The following BPTF variants were observed in gnomAD, a reference collection of about 807,000 sequenced individuals.
BPTF encodes nucleosome-remodeling factor subunit BPTF.
A neutral mutation model predicts 292.5 loss-of-function variants in BPTF; 18 were observed. That is an observed-to-expected ratio of 0.06 (90% CI 0.04 to 0.09). The LOEUF is 0.09. Among genes scored for constraint, BPTF ranks in the 10% least tolerant of loss-of-function variants. The pLI, the probability that BPTF is intolerant of heterozygous loss-of-function variation, is 1.00. For synonymous variants in BPTF, 1,225 were observed against 1,251.9 expected (o/e 0.98, Z 0.45); for missense variants, 2,726 against 3,498.7 (o/e 0.78, Z 5.57).
chr17:67,898,412 C>G (rs768433496), intron 7 of BPTF, among the ~76,000 whole-genome samples: 1 of 152,180 alleles, frequency 6.6e-6, no homozygotes, highest in African/African-American at 2.4e-5. Flanking sequence ...CATTAGATGC[C>G]AAGAAGGTAT....
At chr17:67,842,107 A>C (rs1187369413) in intron 1 of BPTF, among the ~76,000 whole-genome samples, 1 of 152,048 alleles carries the variant, frequency 6.6e-6, no homozygotes, top group Non-Finnish European at 1.5e-5. Context: ...TTATGTTATA[A>C]TTGTACATAT....
In BPTF at chr17:67,946,025, A is replaced by G. The variant is rs1250799260; in HGVS notation, c.7317A>G (p.Gln2439=). The G allele has an allele frequency of 6.2e-7, 1 of 1,614,092 alleles. No individual in the cohort carries two copies. The highest frequency in any genetic ancestry group is 1.1e-5 in the South Asian group (1 of 91,082). ...AAGTCATTGCTGTGCCTCAGCTGCA[A>G]CAACAAGTCCAGGTTCTCTCTCAGA... ...QPQVIAVPQL[Q]QQVQVLSQIQ... Residue 2439 remains glutamine (Q), a synonymous_variant, in exon 21 of 28, where the codon CAA becomes CAG. Coordinates refer to ENST00000306378, the MANE Select transcript of BPTF (RefSeq NM_182641.4).
intron 13 of BPTF, 34 bp downstream of exon 13, chr17:67,920,177 C>T: frequency 6.3e-7 from 1 of 1,582,818 alleles, no homozygotes. Flanking sequence ...TCATGATTAA[C>T]CTGTTAACCA....
At chr17:67,916,655 A>G (rs544879165) in intron 11 of BPTF, among the ~76,000 whole-genome samples, 1 of 151,614 alleles carries the variant, frequency 6.6e-6, no homozygotes, top group Non-Finnish European at 1.5e-5. Context: ...AATCCCGGCT[A>G]CTCGGGAGGC....
intron 9 of BPTF, among the ~76,000 whole-genome samples, chr17:67,907,608 G>A (rs1372210690): frequency 1.3e-5 from 2 of 151,876 alleles, no homozygotes; most frequent in Non-Finnish European, 2.9e-5. Flanking sequence ...TGCCTGCCTC[G>A]GCCTCCCAAA....
At chr17:67,880,128 G>A (rs1395392027) in intron 4 of BPTF, among the ~76,000 whole-genome samples, 5 of 151,418 alleles carry the variant, frequency 3.3e-5, no homozygotes, top group South Asian at 2.1e-4. Context: ...TATATATATA[G>A]GGTCTATACT....
At position 67,982,008 on chromosome 17, in the gene BPTF, TATATATATATATATA is replaced by T. The variant is rs1568245857; in HGVS notation, c.8727-243_8727-229del. 1.0e-3 allele frequency: 161 copies of T among 156,626 alleles called. 3 individuals are homozygous for T. Among genetic ancestry groups the T allele is most frequent in the African/African-American group, 3.7e-3 (146 of 39,602 alleles). 9.7% of individuals were successfully genotyped at this position (156,626 alleles called of 1,614,324 possible). The stretch of plus-strand genomic sequence containing the variant: ...AAATATATATATATATATATATATA[TATATATATATATATA>T]TTTAAATATTGGCTTTTTCCAGTGA... On this transcript the variant is annotated intron_variant, in intron 27 of 27. Transcript: ENST00000306378.
intron 24 of BPTF, among the ~76,000 whole-genome samples, chr17:67,962,648 A>G (rs1342801853): frequency 6.6e-6 from 1 of 152,234 alleles, no homozygotes; most frequent in Non-Finnish European, 1.5e-5. Context: ...CACAAACATT[A>G]TATTAACAGG....
intron 1 of BPTF, among the ~76,000 whole-genome samples, chr17:67,827,601 A>G (rs1207094310): frequency 6.6e-6 from 1 of 152,230 alleles, no homozygotes; most frequent in Non-Finnish European, 1.5e-5. Flanking sequence ...TGAGGAAAAA[A>G]GACCTTTTTT....
intron 11 of BPTF, 113 bp downstream of exon 11, chr17:67,913,300 T>C: frequency 7.0e-7 from 1 of 1,425,182 alleles, no homozygotes. Context: ...GGAAACATAT[T>C]AATGGCCAAA....
intron 4 of BPTF, among the ~76,000 whole-genome samples, chr17:67,886,618 G>A (rs1567981144): frequency 6.6e-6 from 1 of 151,998 alleles, no homozygotes; most frequent in Non-Finnish European, 1.5e-5. Flanking sequence ...CAACAGTTTG[G>A]TGTGTAACAT....
intron 7 of BPTF, among the ~76,000 whole-genome samples, chr17:67,897,521 T>C (rs1385067665): frequency 6.6e-6 from 1 of 151,694 alleles, no homozygotes; most frequent in Non-Finnish European, 1.5e-5. Context: ...ACCAAGATGG[T>C]GGAATAAAAG....
At chr17:67,949,087 T>C (rs1013733611) in intron 23 of BPTF, among the ~76,000 whole-genome samples, 1 of 152,176 alleles carries the variant, frequency 6.6e-6, no homozygotes, top group East Asian at 1.9e-4. Flanking sequence ...GAAAGTAGGC[T>C]GGCTGTGGTG....
intron 3 of BPTF, among the ~76,000 whole-genome samples, chr17:67,869,250 A>G (rs1461081654): frequency 9.9e-5 from 15 of 152,190 alleles, no homozygotes; most frequent in Admixed American, 9.8e-4. Flanking sequence ...TATAAAGTAC[A>G]TTGAATTAAA....
At chr17:67,856,027 G>A (rs1263926731) in intron 2 of BPTF, among the ~76,000 whole-genome samples, 17 of 152,130 alleles carry the variant, frequency 1.1e-4, no homozygotes, top group Admixed American at 1.1e-3. Context: ...TGGCAATTAC[G>A]TTCTTTGATT....
At chr17:67,899,533 C>CTTTTTTTTTTTTTTTTTTTTTTTTTTT (rs573598642) in intron 7 of BPTF, among the ~76,000 whole-genome samples, 1 of 135,086 alleles carries the variant, frequency 7.4e-6, no homozygotes, top group African/African-American at 2.8e-5. Context: ...AGTTTTTTTT[C>CTTTTTTTTTTTTTTTTTTTTTTTTTTT]TTTTTTTTTT....
intron 11 of BPTF, among the ~76,000 whole-genome samples, chr17:67,916,945 A>C (rs1240440262): frequency 6.6e-6 from 1 of 152,066 alleles, no homozygotes; most frequent in African/African-American, 2.4e-5. Flanking sequence ...CAGTTACACA[A>C]AGATATATAG....
chr17:67,864,255 G>A (rs1270642304), intron 2 of BPTF, among the ~76,000 whole-genome samples: 2 of 152,182 alleles, frequency 1.3e-5, no homozygotes, highest in African/African-American at 4.8e-5. Context: ...GCCCGGTGCG[G>A]TGGCTCGTGC....
At chr17:67,981,502 T>C in intron 27 of BPTF, 1 of 1,180,986 alleles carries the variant, frequency 8.5e-7, no homozygotes, top group Admixed American at 4.1e-5. Flanking sequence ...ACTCTTTGTT[T>C]TATTGTACCT....
Sources: gnomAD v4.1 joint callset for allele counts (sites outside exome capture counted in the v4.1 genomes callset) on GRCh38, gnomAD v4.1.1 for gene constraint, MANE v1.5 for transcripts, NCBI Gene and HGNC (gene_info 2026-07-23, HGNC 2026-07-21) for gene names.